Variants in NAV2 observed in about 807,000 individuals in gnomAD.
NAV2 encodes helicase, APC down-regulated 1.
Under a neutral mutation model 223.2 loss-of-function variants are expected in NAV2, and 54 were observed. The observed-to-expected ratio is 0.24, with a 90% confidence interval of 0.19 to 0.30. The LOEUF (loss-of-function observed/expected upper bound fraction) is 0.30. Among genes scored for constraint, NAV2 ranks in the 10% least tolerant of loss-of-function variants. The pLI, the probability that NAV2 is intolerant of heterozygous loss-of-function variation, is 1.00. For missense variants in NAV2, 2,806 were observed against 3,147.5 expected (o/e 0.89, Z 2.60); for synonymous variants, 1,279 against 1,239.3 (o/e 1.03, Z -0.67).
At chr11:19,533,501 G>T (rs7927746) in intron 1 of NAV2, among the ~76,000 whole-genome samples, 11,210 of 152,146 alleles carry the variant, frequency 0.074, 1,414 homozygotes, top group African/African-American at 0.26. Context: ...CTGGGCATGT[G>T]TGTTCCTGGG....
chr11:19,909,358 T>C (rs1361292021), intron 6 of NAV2, among the ~76,000 whole-genome samples: 1 of 152,160 alleles, frequency 6.6e-6, no homozygotes, highest in Non-Finnish European at 1.5e-5. Flanking sequence ...CGCAGGTAAC[T>C]GGCCACCCCA....
intron 11 of NAV2, among the ~76,000 whole-genome samples, chr11:20,032,039 A>G (rs1225681195): frequency 5.3e-5 from 8 of 152,228 alleles, no homozygotes. Flanking sequence ...CTGAATGGGA[A>G]AAGGACAAGT....
At position 19,427,783 on chromosome 11, in the gene NAV2, C is replaced by T. The variant is rs578214664; in HGVS notation, c.75+76756C>T. ...ATTATGAGTGAAGCCGAATATCTTC[C>T]GTACTCAAAAGCCACTTGTATTTCA... On this transcript the variant is annotated intron_variant, in intron 1 of 37. Transcript: ENST00000360655. Among the ~76,000 whole-genome samples the T allele has an allele frequency of 1.2e-3, 180 of 152,242 alleles. 1 individual carries two copies. Among genetic ancestry groups the T allele is most frequent in the African/African-American group, 4.0e-3 (168 of 41,542 alleles).
chr11:20,031,993 C>G (rs1227114162), intron 11 of NAV2, among the ~76,000 whole-genome samples: 1 of 152,182 alleles, frequency 6.6e-6, no homozygotes, highest in African/African-American at 2.4e-5. Context: ...TGCAAACTCA[C>G]TGAACTAATC....
chr11:19,785,091 G>A (rs1457494286), intron 1 of NAV2, among the ~76,000 whole-genome samples: 1 of 152,192 alleles, frequency 6.6e-6, no homozygotes, highest in Non-Finnish European at 1.5e-5. Flanking sequence ...GTGTTTAAAT[G>A]TTACCGATCG....
At chr11:19,911,559 T>C (rs1173494893) in intron 6 of NAV2, among the ~76,000 whole-genome samples, 1 of 152,184 alleles carries the variant, frequency 6.6e-6, no homozygotes, top group Non-Finnish European at 1.5e-5. Context: ...AAATCCTTGT[T>C]GAAAGAATTG....
chr11:19,346,661 G>A (rs1035391163), upstream of NAV2, among the ~76,000 whole-genome samples: 7 of 152,192 alleles, frequency 4.6e-5, no homozygotes, highest in Non-Finnish European at 2.9e-5. Context: ...CGCTCGCAGT[G>A]CACAGATAAA....
chr11:19,769,399 C>T (rs991383831), intron 1 of NAV2, among the ~76,000 whole-genome samples: 2 of 152,232 alleles, frequency 1.3e-5, no homozygotes, highest in East Asian at 3.8e-4. Context: ...CTTTGCTAAA[C>T]AATGGCACCT....
intron 10 of NAV2, among the ~76,000 whole-genome samples, chr11:19,949,781 C>T (rs1266593341): frequency 6.6e-6 from 1 of 152,192 alleles, no homozygotes; most frequent in Admixed American, 6.5e-5. Context: ...TACCATAAAG[C>T]AAGGACTTGT....
chr11:19,618,387 TG>T (rs1188692291), intron 1 of NAV2, among the ~76,000 whole-genome samples: 60 of 103,266 alleles, frequency 5.8e-4, no homozygotes, highest in African/African-American at 1.5e-3. Context: ...GATGGATGGA[TG>T]GATGGATGAA....
intron 11 of NAV2, among the ~76,000 whole-genome samples, chr11:19,989,170 C>T (rs949876330): frequency 3.9e-5 from 6 of 152,202 alleles, no homozygotes; most frequent in East Asian, 1.9e-4. Context: ...AGTTTCATGG[C>T]GAGGGGAATT....
intron 6 of NAV2, among the ~76,000 whole-genome samples, chr11:19,923,236 A>G (rs562060295): frequency 6.6e-6 from 1 of 152,294 alleles, no homozygotes; most frequent in South Asian, 2.1e-4. Flanking sequence ...GTGTTTGTCA[A>G]AATGCATCCC....
At chr11:19,387,452 G>A (rs1564896957) in intron 1 of NAV2, among the ~76,000 whole-genome samples, 1 of 152,218 alleles carries the variant, frequency 6.6e-6, no homozygotes, top group Admixed American at 6.5e-5. Flanking sequence ...TGGGAGGTGG[G>A]TGGTGCACGA....
chr11:20,070,724 T>TC (rs2153641500), intron 22 of NAV2, among the ~76,000 whole-genome samples: 1 of 152,286 alleles, frequency 6.6e-6, no homozygotes, highest in Non-Finnish European at 1.5e-5. Flanking sequence ...GTGTTTGTTT[T>TC]CCCTGGGAAT....
At chr11:19,460,592 T>A (rs193075119) in intron 1 of NAV2, among the ~76,000 whole-genome samples, 128 of 134,916 alleles carry the variant, frequency 9.5e-4, no homozygotes, top group African/African-American at 3.5e-3. Context: ...AGGTGGGAAT[T>A]GAACAATGAG....
chr11:19,651,281 T>C (rs2047962549), intron 1 of NAV2, among the ~76,000 whole-genome samples: 1 of 152,114 alleles, frequency 6.6e-6, no homozygotes, highest in South Asian at 2.1e-4. Flanking sequence ...TTCTCAAGGG[T>C]TCTATAAGAG....
intron 1 of NAV2, among the ~76,000 whole-genome samples, chr11:19,527,367 T>C (rs149162692): frequency 0.014 from 2,104 of 152,238 alleles, 43 homozygotes; most frequent in African/African-American, 0.048. Context: ...TTAAACCCCT[T>C]TTTCTTTATA....
chr11:19,462,982 A>G (rs1433679332), intron 1 of NAV2, among the ~76,000 whole-genome samples: 2 of 152,176 alleles, frequency 1.3e-5, no homozygotes, highest in Non-Finnish European at 2.9e-5. Context: ...TATTCAGAGG[A>G]TACTTCTTTT....
At chr11:19,964,382 C>T (rs543060644) in intron 10 of NAV2, among the ~76,000 whole-genome samples, 7 of 152,228 alleles carry the variant, frequency 4.6e-5, no homozygotes, top group South Asian at 2.1e-4. Context: ...GTATATATAA[C>T]GGTTAATAAT....
Sources: gnomAD v4.1 joint callset for allele counts (sites outside exome capture counted in the v4.1 genomes callset) on GRCh38, gnomAD v4.1.1 for gene constraint, MANE v1.5 for transcripts, NCBI Gene and HGNC (gene_info 2026-07-23, HGNC 2026-07-21) for gene names.